Variants in ROBO1 observed in about 807,000 individuals in gnomAD.
ROBO1 encodes roundabout guidance receptor 1, also known as roundabout homolog 1.
In ROBO1, 149 loss-of-function variants were observed where a neutral mutation model predicts 195.9. The ratio of observed to expected loss-of-function variants is 0.76; its 90% CI spans 0.67 to 0.87. ROBO1 has a LOEUF of 0.87. Ranked by LOEUF, ROBO1 falls within the 40% of genes least tolerant of loss-of-function variation. The pLI, the probability that ROBO1 is intolerant of heterozygous loss-of-function variation, is 0.00. For missense variants in ROBO1, 1,933 were observed against 2,068.3 expected, an observed-to-expected ratio of 0.93 and a Z score of 1.27; for synonymous variants, 816 against 733.2, an observed-to-expected ratio of 1.11 and a Z score of -1.82.
chr3:79,014,514 TG>T (rs2077873048), intron 3 of ROBO1, among the ~76,000 whole-genome samples: 1 of 152,178 alleles, frequency 6.6e-6, no homozygotes, highest in African/African-American at 2.4e-5. Flanking sequence ...TTGCTTCATG[TG>T]CTGTGTGTGG....
chr3:79,530,787 A>G (rs1941623539), intron 2 of ROBO1, among the ~76,000 whole-genome samples: 1 of 145,832 alleles, frequency 6.9e-6, no homozygotes, highest in East Asian at 2.0e-4. Context: ...ACACACACAC[A>G]CACACACACA....
rs71127372 is a variant in ROBO1, at chr3:79,021,651, ATTTT to A, written c.173-82728_173-82725del. Among the ~76,000 whole-genome samples the A allele has an allele frequency of 4.1e-3, 316 of 76,888 alleles. 2 individuals carry two copies. The highest frequency in any genetic ancestry group is 0.014 in the Middle Eastern group (2 of 148). 50.4% of individuals were successfully genotyped at this position (76,888 alleles called of 152,430 possible). On this transcript the variant is annotated intron_variant, in intron 3 of 30. Coordinates refer to ENST00000464233, the MANE Select transcript of ROBO1 (RefSeq NM_002941.4). ...CCCCTCTCTTCCACTCCTAGAGATG[ATTTT>A]TTTTTTTTTTTTTTTTTTTTTTAGA...
chr3:79,495,870 G>A (rs1282831275), intron 2 of ROBO1, among the ~76,000 whole-genome samples: 1 of 151,904 alleles, frequency 6.6e-6, no homozygotes, highest in Non-Finnish European at 1.5e-5. Context: ...CTTATGAATG[G>A]AGATAAAATA....
At chr3:78,689,741 C>T (rs2081130583) in intron 8 of ROBO1, among the ~76,000 whole-genome samples, 2 of 151,950 alleles carry the variant, frequency 1.3e-5, no homozygotes, top group South Asian at 4.1e-4. Flanking sequence ...GGTTTGTCTA[C>T]TCCACTTTTT....
At chr3:79,241,994 C>T (rs893878610) in intron 2 of ROBO1, among the ~76,000 whole-genome samples, 1 of 149,258 alleles carries the variant, frequency 6.7e-6, no homozygotes, top group Non-Finnish European at 1.5e-5. Context: ...TCCCTTGCAG[C>T]TAGGTGTAAA....
chr3:79,349,912 C>T (rs1056296793), intron 2 of ROBO1, among the ~76,000 whole-genome samples: 1 of 152,044 alleles, frequency 6.6e-6, no homozygotes, highest in Admixed American at 6.6e-5. Flanking sequence ...ATATATGACA[C>T]GAAATGCATG....
chr3:79,499,278 A>G (rs1939925654), intron 2 of ROBO1, among the ~76,000 whole-genome samples: 1 of 152,188 alleles, frequency 6.6e-6, no homozygotes, highest in Non-Finnish European at 1.5e-5. Context: ...TACAGCCTTG[A>G]GCCACCGCGC....
chr3:79,588,796 A>G (rs908673990), intron 2 of ROBO1, among the ~76,000 whole-genome samples: 3 of 151,718 alleles, frequency 2.0e-5, no homozygotes, highest in Non-Finnish European at 4.4e-5. Context: ...ACAGACTTAA[A>G]GTTTCTGTAT....
intron 10 of ROBO1, 25 bp from the exon 11 acceptor site, chr3:78,670,326 A>G (rs752015367): frequency 5.8e-6 from 9 of 1,545,000 alleles, no homozygotes; most frequent in Non-Finnish European, 1.8e-6. Context: ...AACAGGAAAT[A>G]GATTTCTGCA....
chr3:79,378,834 A>T (rs1326961226), intron 2 of ROBO1, among the ~76,000 whole-genome samples: 3 of 152,234 alleles, frequency 2.0e-5, no homozygotes, highest in Non-Finnish European at 4.4e-5. Context: ...AGACAACGAA[A>T]GAGCAATGGA....
chr3:79,091,825 G>A (rs979488450), intron 3 of ROBO1, among the ~76,000 whole-genome samples: 1 of 152,078 alleles, frequency 6.6e-6, no homozygotes, highest in African/African-American at 2.4e-5. Flanking sequence ...GTGTTGGAGG[G>A]ACGTTAGGAA....
chr3:79,232,120 G>T (rs2082330648), intron 2 of ROBO1, among the ~76,000 whole-genome samples: 1 of 151,852 alleles, frequency 6.6e-6, no homozygotes, highest in African/African-American at 2.4e-5. Context: ...TAATACTTGG[G>T]TGATGAAATA....
chr3:78,826,498 A>G (rs2031617105), intron 4 of ROBO1, among the ~76,000 whole-genome samples: 1 of 152,172 alleles, frequency 6.6e-6, no homozygotes, highest in Admixed American at 6.6e-5. Context: ...TCAGTCAGAG[A>G]GGCATAAGCA....
At chr3:79,611,094 T>C (rs1053106083) in intron 1 of ROBO1, among the ~76,000 whole-genome samples, 1 of 152,030 alleles carries the variant, frequency 6.6e-6, no homozygotes, top group African/African-American at 2.4e-5. Flanking sequence ...GCACAAATTC[T>C]GGAGGAAAGA....
intron 2 of ROBO1, among the ~76,000 whole-genome samples, chr3:79,325,446 G>T (rs955624596): frequency 6.6e-6 from 1 of 152,056 alleles, no homozygotes; most frequent in South Asian, 2.1e-4. Flanking sequence ...TCTGCAAAAG[G>T]TAAAGCAATA....
intron 2 of ROBO1, among the ~76,000 whole-genome samples, chr3:79,355,175 C>A (rs1305500476): frequency 8.6e-5 from 13 of 151,300 alleles, no homozygotes; most frequent in Admixed American, 3.3e-4. Context: ...CAAAAACAAA[C>A]AAACAAACAA....
chr3:79,306,688 A>G (rs1193286390), intron 2 of ROBO1, among the ~76,000 whole-genome samples: 2 of 152,242 alleles, frequency 1.3e-5, no homozygotes, highest in Non-Finnish European at 1.5e-5. Flanking sequence ...TATTTCATCT[A>G]TATGATAAGG....
chr3:79,194,762 G>A (rs2081603237), intron 2 of ROBO1, among the ~76,000 whole-genome samples: 1 of 151,542 alleles, frequency 6.6e-6, no homozygotes, highest in Middle Eastern at 3.2e-3. Context: ...TTCTTTACAG[G>A]TATGTAGGGG....
chr3:79,518,845 ATT>A (rs11291431), intron 2 of ROBO1, among the ~76,000 whole-genome samples: 1,923 of 143,068 alleles, frequency 0.013, 28 homozygotes, highest in Middle Eastern at 0.043. Flanking sequence ...CTAATTCTGT[ATT>A]TTTTTTTTTT....
Sources: gnomAD v4.1 joint callset for allele counts (sites outside exome capture counted in the v4.1 genomes callset) on GRCh38, gnomAD v4.1.1 for gene constraint, MANE v1.5 for transcripts, NCBI Gene and HGNC (gene_info 2026-07-23, HGNC 2026-07-21) for gene names.